Variants in AIMP2 observed in about 807,000 individuals in gnomAD.
AIMP2 encodes aminoacyl tRNA synthase complex-interacting multifunctional protein 2.
A neutral mutation model predicts 23.4 loss-of-function variants in AIMP2; 20 were observed. The ratio of observed to expected loss-of-function variants is 0.85; its 90% CI spans 0.60 to 1.24. The LOEUF is 1.24. Ranked by LOEUF, AIMP2 falls within the 50% of genes most tolerant of loss-of-function variation. The probability of loss-of-function intolerance (pLI) is 0.00; values close to 1 mark genes in which losing one functional copy is unlikely to be tolerated. For synonymous variants in AIMP2, 210 were observed against 170.4 expected, an observed-to-expected ratio of 1.23 and a Z score of -1.81; for missense variants, 515 against 414.5, an observed-to-expected ratio of 1.24 and a Z score of -2.10.
chr7:6,014,347 T>G (rs1786884621), intron 1 of AIMP2, among the ~76,000 whole-genome samples: 2 of 131,072 alleles, frequency 1.5e-5, no homozygotes, highest in Admixed American at 9.5e-5. Context: ...AACCCCCGCC[T>G]CCCGGGTTCA....
chr7:6,009,966 A>ATATATATATATATATATAT (rs1162854647), intron 1 of AIMP2, among the ~76,000 whole-genome samples: 3 of 40,172 alleles, frequency 7.5e-5, no homozygotes, highest in Non-Finnish European at 1.0e-4. Context: ...AAAAAAAAAA[A>ATATATATATATATATATAT]AAAAAAAAAT....
At chr7:6,018,758 C>T (rs141842174) in intron 3 of AIMP2, among the ~76,000 whole-genome samples, 3,805 of 151,768 alleles carry the variant, frequency 0.025, 141 homozygotes, top group African/African-American at 0.086. Flanking sequence ...CACTTGAACC[C>T]AGGAGGTGGA....
chr7:6,019,626 A>C (rs566707709), intron 3 of AIMP2, among the ~76,000 whole-genome samples: 2 of 152,294 alleles, frequency 1.3e-5, no homozygotes, highest in South Asian at 4.1e-4. Context: ...AGCAGAGAAA[A>C]GTCATGAGAT....
At position 6,023,758 on chromosome 7, in the gene AIMP2, A is replaced by G. The variant is rs1787646448; in HGVS notation, c.*67A>G. On this transcript the variant is annotated 3_prime_UTR_variant, in exon 4 of 4. Transcript: ENST00000223029. ...GTGCTCTTTCATGCCTATTATCAGT[A>G]AGGGGACTTGTATTAGAGTCAGAGT... The G allele has an allele frequency of 1.3e-5, 21 of 1,611,448 alleles. No individual in the cohort carries two copies. The highest frequency in any genetic ancestry group is 1.6e-5 in the Non-Finnish European group (19 of 1,178,432).
chr7:6,017,515 T>C (rs371028624), intron 2 of AIMP2, among the ~76,000 whole-genome samples: 1 of 123,414 alleles, frequency 8.1e-6, no homozygotes, highest in Admixed American at 7.9e-5. Flanking sequence ...AGAGTGAGAC[T>C]CTGTCTCAAA....
At chr7:6,009,974 A>AAAAATATATAT in intron 1 of AIMP2, among the ~76,000 whole-genome samples, 3 of 26,674 alleles carry the variant, frequency 1.1e-4, no homozygotes, top group African/African-American at 1.4e-4. Flanking sequence ...AAAAAAAAAA[A>AAAAATATATAT]ATATATATAT....
Position 6,015,194 on chromosome 7 carries a change from A to C in AIMP2, c.184A>C (p.Ile62Leu), listed in dbSNP as rs1786945396. 6.2e-7 allele frequency: 1 copy of C among 1,614,068 alleles called. No homozygotes were observed. The highest frequency in any genetic ancestry group is 8.5e-7 in the Non-Finnish European group (1 of 1,180,044). The change falls in exon 2 of 4, where the codon ATT becomes CTT. Residue 62 changes from isoleucine (I) to leucine (L), a missense_variant. Ile to Leu is a conservative substitution (Grantham distance 5, BLOSUM62 2). Transcript: ENST00000223029. ...LQALESRQDD[I>L]LKRLYELKAA... ...AGCTCTTGAGTCCCGCCAAGATGAT[A>C]TTTTAAAACGTCTGTATGAGTTGAA...
At chr7:6,019,234 T>A (rs1192489460) in intron 3 of AIMP2, among the ~76,000 whole-genome samples, 3 of 151,246 alleles carry the variant, frequency 2.0e-5, no homozygotes, top group Non-Finnish European at 4.4e-5. Context: ...AAAAGTGACC[T>A]CTTGGGAGGC....
chr7:6,012,658 A>G (rs1786764361), intron 1 of AIMP2: 1 of 367,284 alleles, frequency 2.7e-6, no homozygotes, highest in South Asian at 1.9e-5. Context: ...CCCGGGTTCA[A>G]GCAATTTTCT....
chr7:6,016,290 ATGTGATATTTATT>A (rs1367685689), intron 2 of AIMP2, among the ~76,000 whole-genome samples: 1 of 152,228 alleles, frequency 6.6e-6, no homozygotes, highest in Non-Finnish European at 1.5e-5. Flanking sequence ...GTTAACCACA[ATGTGATATTTATT>A]TGAGGATGCA....
At chr7:6,011,342 G>A (rs553303787) in intron 1 of AIMP2, among the ~76,000 whole-genome samples, 4 of 152,304 alleles carry the variant, frequency 2.6e-5, no homozygotes, top group Non-Finnish European at 5.9e-5. Context: ...TGGGTGTAGC[G>A]TGGTATCCTA....
intron 3 of AIMP2, among the ~76,000 whole-genome samples, chr7:6,021,038 G>T (rs777473835): frequency 2.6e-5 from 4 of 152,166 alleles, no homozygotes; most frequent in Non-Finnish European, 5.9e-5. Context: ...AAGTCAGGAT[G>T]TACCTTGCCA....
Position 6,009,305 on chromosome 7 carries a change from T to C in AIMP2, c.-59T>C, listed in dbSNP as rs1786331387. 1.9e-6 allele frequency: 3 copies of C among 1,610,914 alleles called. No homozygotes were observed. The highest frequency in any genetic ancestry group is 2.2e-5 in the South Asian group (2 of 90,952). On this transcript the variant is annotated 5_prime_UTR_variant, in exon 1 of 4. Coordinates refer to ENST00000223029, the MANE Select transcript of AIMP2 (RefSeq NM_006303.4). ...GGTGGCCGGTCTCCGTCGTGACCTCTGACGGTTTCTGAGCGTTGGCCTTTG... is the reference window on the plus strand; with the variant it reads ...GGTGGCCGGTCTCCGTCGTGACCTCCGACGGTTTCTGAGCGTTGGCCTTTG...
chr7:6,016,047 T>C (rs1325795496), intron 2 of AIMP2, among the ~76,000 whole-genome samples: 2 of 152,194 alleles, frequency 1.3e-5, no homozygotes, highest in Non-Finnish European at 1.5e-5. Flanking sequence ...GCCCGGACTC[T>C]CTCTGATCAC....
chr7:6,009,464 G>C lies in AIMP2; in HGVS notation c.101G>C (p.Ser34Thr), dbSNP rs373875101. The change falls in exon 1 of 4, where the codon AGC (serine) becomes ACC (threonine). Residue 34 changes from serine to threonine, a missense_variant. Transcript: ENST00000223029. ...CGGCTCCCCAACGTGCACGGCAGGAGCTACGGCCCAGCGCCGGGCGCTGGC... is the reference window on the plus strand; with the variant it reads ...CGGCTCCCCAACGTGCACGGCAGGACCTACGGCCCAGCGCCGGGCGCTGGC... The part of the protein sequence containing the change: ...MYRLPNVHGR[S>T]YGPAPGAGHV... 1.9e-6 allele frequency: 3 copies of C among 1,607,962 alleles called. No homozygotes were observed. Among genetic ancestry groups the C allele is most frequent in the Non-Finnish European group, 2.5e-6 (3 of 1,178,600 alleles).
In AIMP2 at chr7:6,020,420, CAAAA is replaced by C. The variant is rs111428378; in HGVS notation, c.574+2381_574+2384del. ...TGGGCTACAGAGCCAGACTCCGTCT[CAAAA>C]AAAAAGAAAAGAAAATGCAGCTTTT... is the stretch of plus-strand genomic sequence containing the variant. On this transcript the variant is annotated intron_variant, in intron 3 of 3. Coordinates refer to ENST00000223029, the MANE Select transcript of AIMP2 (RefSeq NM_006303.4). 7.2e-3 allele frequency among the ~76,000 whole-genome samples: 1,082 copies of C among 150,928 alleles called. 20 individuals are homozygous for C. Among genetic ancestry groups the C allele is most frequent in the African/African-American group, 0.025 (1,047 of 41,158 alleles).
At chr7:6,012,252 CAAAAAAAA>C (rs144366351) in intron 1 of AIMP2, among the ~76,000 whole-genome samples, 4,535 of 114,038 alleles carry the variant, frequency 0.04, 252 homozygotes, top group African/African-American at 0.14. Flanking sequence ...AACCCTGTCT[CAAAAAAAA>C]AAAAAAGAAA....
intron 1 of AIMP2, 68 bp downstream of exon 1, chr7:6,009,566 G>C (rs1189948228): frequency 3.0e-6 from 4 of 1,344,130 alleles, no homozygotes; most frequent in Non-Finnish European, 3.8e-6. Context: ...GGTCCCCCCA[G>C]GCCGGAGCGA....
In AIMP2 at chr7:6,017,836, T is replaced by G. The variant is rs764368950; in HGVS notation, c.365T>G (p.Ile122Ser). 1 of 1,613,832 alleles carries G rather than the reference T, an allele frequency of 6.2e-7. No individual in the cohort carries two copies. Among genetic ancestry groups the G allele is most frequent in the Non-Finnish European group, 8.5e-7 (1 of 1,179,972 alleles). The part of the protein sequence containing the change: ...LGKDYGALKD[I>S]VINANPASPP... ...CAGGATTACGGGGCGCTGAAAGACA[T>G]CGTGATCAACGCAAACCCGGCCTCC... Residue 122 changes from isoleucine to serine, a missense_variant, in exon 3 of 4, where the codon ATC becomes AGC. Coordinates refer to ENST00000223029, the MANE Select transcript of AIMP2 (RefSeq NM_006303.4).
Sources: allele counts gnomAD v4.1 joint callset (sites outside exome capture counted in the v4.1 genomes callset), GRCh38; gene constraint gnomAD v4.1.1; transcripts MANE v1.5; gene names NCBI Gene and HGNC (gene_info 2026-07-23, HGNC 2026-07-21).